The following FBXW7 variants were observed in gnomAD, a reference collection of about 807,000 sequenced individuals.
FBXW7 encodes F-box and WD repeat domain containing 7, also known as F-box/WD repeat-containing protein 7.
A neutral mutation model predicts 86.3 loss-of-function variants in FBXW7; 11 were observed. That is an observed-to-expected ratio of 0.13 (90% CI 0.08 to 0.21). The LOEUF is 0.21. FBXW7 is among the 10% of genes least tolerant of loss of function. The probability of loss-of-function intolerance (pLI) is 1.00; values close to 1 mark genes in which losing one functional copy is unlikely to be tolerated. For synonymous variants in FBXW7, 313 were observed against 297.9 expected, an observed-to-expected ratio of 1.05 and a Z score of -0.52; for missense variants, 488 against 847.4, an observed-to-expected ratio of 0.58 and a Z score of 5.27.
At chr4:152,423,969 G>T (rs1340333715) in intron 2 of FBXW7, among the ~76,000 whole-genome samples, 3 of 152,062 alleles carry the variant, frequency 2.0e-5, no homozygotes, top group African/African-American at 7.2e-5. Context: ...AACAATTATG[G>T]TTTCCAGATT....
chr4:152,337,101 C>A (rs1443596393), intron 7 of FBXW7, among the ~76,000 whole-genome samples: 4 of 151,886 alleles, frequency 2.6e-5, no homozygotes, highest in Non-Finnish European at 5.9e-5. Context: ...GGAACTATAT[C>A]TAAACTATGC....
Position 152,464,833 on chromosome 4 carries a change from G to T in FBXW7, c.-119-52304C>A, listed in dbSNP as rs535921249. The stretch of plus-strand genomic sequence containing the variant: ...ATTAAAGAAGTAAATATTGAAAAAA[G>T]CTTTTAAGAAATATTCTCTGCAATG... On this transcript the variant is annotated intron_variant, in intron 2 of 13. Coordinates refer to ENST00000281708, the MANE Select transcript of FBXW7 (RefSeq NM_001349798.2). 2.3e-3 allele frequency among the ~76,000 whole-genome samples: 357 copies of T among 152,104 alleles called. 2 individuals are homozygous for T. The highest frequency in any genetic ancestry group is 8.0e-3 in the African/African-American group (333 of 41,526).
At chr4:152,375,603 C>T (rs1237057938) in intron 4 of FBXW7, among the ~76,000 whole-genome samples, 5 of 151,950 alleles carry the variant, frequency 3.3e-5, no homozygotes, top group African/African-American at 1.2e-4. Flanking sequence ...TAAGTAAAAA[C>T]ATATATCGTT....
chr4:152,416,684 A>T (rs940795293), intron 2 of FBXW7, among the ~76,000 whole-genome samples: 2 of 152,208 alleles, frequency 1.3e-5, no homozygotes, highest in Admixed American at 6.5e-5. Flanking sequence ...ATATACACAG[A>T]AAGTAATTGA....
At chr4:152,510,286 A>G (rs1450566354) in intron 2 of FBXW7, among the ~76,000 whole-genome samples, 1 of 152,258 alleles carries the variant, frequency 6.6e-6, no homozygotes, top group African/African-American at 2.4e-5. Flanking sequence ...TTATGTCAGT[A>G]TATCTGTACT....
At chr4:152,331,481 G>T (rs1243363937) in intron 8 of FBXW7, among the ~76,000 whole-genome samples, 2 of 151,990 alleles carry the variant, frequency 1.3e-5, no homozygotes, top group Admixed American at 1.3e-4. Context: ...GAAAAATATT[G>T]TATGATTTCA....
intron 2 of FBXW7, among the ~76,000 whole-genome samples, chr4:152,469,261 C>A (rs188657831): frequency 1.8e-4 from 27 of 152,090 alleles, no homozygotes; most frequent in African/African-American, 6.0e-4. Flanking sequence ...ACTTTAAAAT[C>A]TATTATGATT....
intron 2 of FBXW7, among the ~76,000 whole-genome samples, chr4:152,529,349 CT>C (rs927075904): frequency 2.6e-5 from 4 of 152,040 alleles, no homozygotes; most frequent in South Asian, 2.1e-4. Context: ...ATTATATACT[CT>C]TTTTTTAAAA....
chr4:152,493,861 A>T (rs1746077453), intron 2 of FBXW7, among the ~76,000 whole-genome samples: 1 of 152,252 alleles, frequency 6.6e-6, no homozygotes, highest in Non-Finnish European at 1.5e-5. Context: ...CAAGTGAGAG[A>T]TCAAATAAGA....
At chr4:152,373,426 C>T (rs1734182072) in intron 4 of FBXW7, among the ~76,000 whole-genome samples, 1 of 151,984 alleles carries the variant, frequency 6.6e-6, no homozygotes, top group African/African-American at 2.4e-5. Context: ...TCCATGAGGG[C>T]ATGGCCTTTG....
At chr4:152,423,370 T>G (rs576292191) in intron 2 of FBXW7, among the ~76,000 whole-genome samples, 47 of 152,308 alleles carry the variant, frequency 3.1e-4, no homozygotes, top group African/African-American at 1.1e-3. Flanking sequence ...CATGAGCTAG[T>G]TGAGCTATTA....
rs767204342 is a variant in FBXW7 at position 152,347,084 on chromosome 4, A to G, written c.585-13T>C. On this transcript the variant is annotated splice_polypyrimidine_tract_variant and intron_variant, in intron 5 of 13. Transcript: ENST00000281708. ...AAGCCCAGTGGTACTACAAAAAAAA[A>G]AAAAAGAGAGAGAGAAAGGATAAAA... is the stretch of plus-strand genomic sequence containing the variant. 3 of 1,586,622 alleles carry G rather than the reference A, an allele frequency of 1.9e-6. No homozygotes were observed. Among genetic ancestry groups the G allele is most frequent in the South Asian group, 2.3e-5 (2 of 85,418 alleles).
At chr4:152,422,563 T>G (rs1579158456) in intron 2 of FBXW7, among the ~76,000 whole-genome samples, 1 of 152,102 alleles carries the variant, frequency 6.6e-6, no homozygotes, top group East Asian at 1.9e-4. Context: ...TCTAGGGGAG[T>G]TTATATTAGA....
rs1369799780 is a variant in FBXW7, at chr4:152,321,318, A to C, written c.*1563T>G. The C allele has an allele frequency of 4.3e-6, 1 of 232,752 alleles. No homozygotes were observed. Among genetic ancestry groups the C allele is most frequent in the Non-Finnish European group, 8.5e-6 (1 of 117,554 alleles). 14.4% of individuals were successfully genotyped at this position (232,752 alleles called of 1,614,324 possible). ...ATAAGAAAATAAAATTTCTAAGTGA[A>C]TCAAACCATAGACACAATCCCTTTA... On this transcript the variant is annotated 3_prime_UTR_variant, in exon 14 of 14. Coordinates refer to ENST00000281708, the MANE Select transcript of FBXW7 (RefSeq NM_001349798.2).
chr4:152,382,561 C>T (rs1735189956), intron 4 of FBXW7: 1 of 1,022,256 alleles, frequency 9.8e-7, no homozygotes, highest in African/African-American at 1.7e-5. Context: ...GAATTATAAA[C>T]TACTGAAGTG....
In FBXW7 at chr4:152,350,074, TC is replaced by T; in HGVS notation, c.551del (p.Gly184GlufsTer55). ...HGSEVRSFSL[G>X]KKPCKVSEYT... ...ATTCTGAGACTTTGCATGGTTTCTTTCCCAAAGAAAAAGAGCGGACCTCAGA... is the reference window on the plus strand; with the variant it reads ...ATTCTGAGACTTTGCATGGTTTCTTTCCAAAGAAAAAGAGCGGACCTCAGA... On this transcript the variant is annotated frameshift_variant, in exon 5 of 14. Transcript: ENST00000281708. LOFTEE classifies it high-confidence loss of function. The T allele has an allele frequency of 6.4e-7, 1 of 1,566,282 alleles. No homozygotes were observed. The highest frequency in any genetic ancestry group is 8.7e-7 in the Non-Finnish European group (1 of 1,151,166).
intron 2 of FBXW7, among the ~76,000 whole-genome samples, chr4:152,463,651 A>C (rs1743163070): frequency 1.3e-5 from 2 of 152,244 alleles, no homozygotes; most frequent in Non-Finnish European, 2.9e-5. Context: ...GCATTGTACA[A>C]GACAAACTTT....
intron 2 of FBXW7, among the ~76,000 whole-genome samples, chr4:152,484,788 C>G (rs981612527): frequency 4.7e-4 from 72 of 152,048 alleles, no homozygotes; most frequent in African/African-American, 1.7e-3. Flanking sequence ...ATGGCGAAAC[C>G]CTGTCTCTAC....
chr4:152,497,374 C>CACACACACACACACACAG (rs1240252269), intron 2 of FBXW7, among the ~76,000 whole-genome samples: 69 of 143,718 alleles, frequency 4.8e-4, no homozygotes, highest in Non-Finnish European at 6.6e-4. Context: ...CACACACACA[C>CACACACACACACACACAG]ACTATGAGAT....
Sources: allele counts gnomAD v4.1 joint callset (sites outside exome capture counted in the v4.1 genomes callset), GRCh38; gene constraint gnomAD v4.1.1; transcripts MANE v1.5; gene names NCBI Gene and HGNC (gene_info 2026-07-23, HGNC 2026-07-21).